SAMD15: variants seen among roughly 807,000 people sequenced by gnomAD.
SAMD15 encodes the protein sterile alpha motif domain-containing protein 15.
SAMD15 carries 37 observed loss-of-function variants against 50.5 expected under a neutral mutation model. That is an observed-to-expected ratio of 0.73 (90% confidence interval 0.56 to 0.96). SAMD15 has a LOEUF of 0.96. Among genes scored for constraint, SAMD15 ranks in the 40% least tolerant of loss-of-function variants. The pLI, the probability that SAMD15 is intolerant of heterozygous loss-of-function variation, is 0.00. For missense variants in SAMD15, 789 were observed against 783.8 expected, an observed-to-expected ratio of 1.01 and a Z score of -0.08; for synonymous variants, 255 against 282.8, an observed-to-expected ratio of 0.90 and a Z score of 0.99.
chr14:77,382,726 A>AT (rs148651386), intron 2 of SAMD15, among the ~76,000 whole-genome samples: 7,790 of 151,540 alleles, frequency 0.051, 659 homozygotes, highest in African/African-American at 0.18. Flanking sequence ...TATTTTATTT[A>AT]TTTTTTTGAG....
At chr14:77,390,967 T>A (rs1389957469) in intron 2 of SAMD15, 41 bp from the exon 3 acceptor site, 1 of 1,201,682 alleles carries the variant, frequency 8.3e-7, no homozygotes. Flanking sequence ...TTGGTTGTGT[T>A]TTCAGGTTAG....
intron 1 of SAMD15, among the ~76,000 whole-genome samples, chr14:77,380,126 A>C (rs1487690952): frequency 3.3e-5 from 5 of 152,198 alleles, no homozygotes; most frequent in African/African-American, 1.2e-4. Context: ...ATAGAAAGTA[A>C]ATTTAAGCTA....
At chr14:77,388,382 CGTGT>C (rs376913427) in intron 2 of SAMD15, among the ~76,000 whole-genome samples, 6,891 of 133,038 alleles carry the variant, frequency 0.052, 177 homozygotes, top group Admixed American at 0.086. Flanking sequence ...GCCACCTGTT[CGTGT>C]GTGTGTGTGT....
intron 2 of SAMD15, among the ~76,000 whole-genome samples, chr14:77,386,004 C>CGTGG (rs1894001664): frequency 6.6e-6 from 1 of 151,890 alleles, no homozygotes; most frequent in African/African-American, 2.4e-5. Context: ...CATGCCACCA[C>CGTGG]ACCCGTCTAA....
chr14:77,380,239 CCT>C, intron 1 of SAMD15, 142 bp from the exon 2 acceptor site: 1 of 596,606 alleles, frequency 1.7e-6, no homozygotes, highest in South Asian at 1.8e-5. Context: ...AGAGTGAGAC[CCT>C]GTCTCTAAAA....
At position 77,377,471 on chromosome 14, in the gene SAMD15, T is replaced by C. The variant is rs11844594; in HGVS notation, c.53T>C (p.Leu18Pro). 767,759 of 1,613,566 alleles carry C rather than the reference T, an allele frequency of 0.48. 192,159 individuals carry two copies. Among genetic ancestry groups the C allele is most frequent in the African/African-American group, 0.84 (62,678 of 74,968 alleles). ...YDSGPDEDGE[L>P]EPERPELPGL... ...TCCGGCCCAGATGAAGATGGAGAGC[T>C]GGAGCCTGAGAGGCCTGAACTGCCT... Residue 18 changes from leucine to proline, a missense_variant, in exon 1 of 3, where the codon CTG becomes CCG. By Grantham distance (98) the Leu-to-Pro change is moderately conservative. Coordinates refer to ENST00000216471, the MANE Select transcript of SAMD15 (RefSeq NM_001010860.4).
rs759975188 is a variant in SAMD15 at position 77,378,813 on chromosome 14, C to G, written c.1395C>G (p.Leu465=). ...FRKEYYALGS[L]RESEESIGTH... is the part of the protein sequence containing the mutation. ...AAGAATATTACGCATTAGGATCTCT[C>G]AGAGAAAGTGAAGAATCAATTGGTA... Residue 465 remains leucine, a synonymous_variant, in exon 1 of 3, where the codon CTC becomes CTG. Coordinates refer to ENST00000216471, the MANE Select transcript of SAMD15 (RefSeq NM_001010860.4). 2 of 1,613,210 alleles carry G rather than the reference C, an allele frequency of 1.2e-6. No homozygotes were observed. The highest frequency in any genetic ancestry group is 1.7e-6 in the Non-Finnish European group (2 of 1,179,792).
intron 2 of SAMD15, among the ~76,000 whole-genome samples, chr14:77,385,197 C>T (rs1055805229): frequency 6.6e-6 from 1 of 151,992 alleles, no homozygotes; most frequent in Admixed American, 6.6e-5. Flanking sequence ...AAAGATTGAT[C>T]TCTCTGATAT....
At position 77,378,805 on chromosome 14, in the gene SAMD15, G is replaced by A; in HGVS notation, c.1387G>A (p.Gly463Arg). ...ATTTAGAAAAGAATATTACGCATTA[G>A]GATCTCTCAGAGAAAGTGAAGAATC... ...DKFRKEYYAL[G>R]SLRESEESIG... The change falls in exon 1 of 3, where the codon GGA becomes AGA. Residue 463 changes from glycine (G) to arginine (R), a missense_variant. Physicochemically the swap from Gly to Arg is moderately radical, Grantham distance 125 (BLOSUM62 -2). Transcript: ENST00000216471. The A allele has an allele frequency of 6.2e-7, 1 of 1,613,168 alleles. No homozygotes were observed. The highest frequency in any genetic ancestry group is 8.5e-7 in the Non-Finnish European group (1 of 1,179,756).
rs758847198 is a variant in SAMD15 at position 77,380,476 on chromosome 14, A to T, written c.1783A>T (p.Met595Leu). ...PQMGITNFEDMKAISRHTQEL... is the reference protein window; with the variant it reads ...PQMGITNFEDLKAISRHTQEL... ...GATGGGGATAACAAACTTTGAGGAC[A>T]TGAAGGTGAGTTGTGTCCAAAGTTT... is the stretch of plus-strand genomic sequence containing the variant. The change falls in exon 2 of 3, where the codon ATG (methionine) becomes TTG (leucine). Residue 595 changes from methionine (M) to leucine (L), a missense_variant. This residue lies in a region of SAMD15 where 770 missense variants were observed against 745.4 expected (regional missense o/e 1.03). Transcript: ENST00000216471. 6.2e-7 allele frequency: 1 copy of T among 1,609,706 alleles called. No homozygotes were observed. Among genetic ancestry groups the T allele is most frequent in the Non-Finnish European group, 8.5e-7 (1 of 1,176,002 alleles).
rs1186120572 is a variant in SAMD15, at chr14:77,391,506, T to C, written c.*262T>C. The C allele has an allele frequency of 2.3e-5, 7 of 310,778 alleles. No homozygotes were observed. The highest frequency in any genetic ancestry group is 6.7e-5 in the South Asian group (1 of 14,926). 19.3% of individuals were successfully genotyped at this position (310,778 alleles called of 1,614,324 possible). A position where few individuals can be genotyped will look rare whatever the true frequency, so the allele number is the denominator to read the frequency against. ...CTAATTTTTGTATTTTTAGTAGATA[T>C]GATGTTTCACCATGTTGGCCAGGCT... On this transcript the variant is annotated 3_prime_UTR_variant, in exon 3 of 3. Coordinates refer to ENST00000216471, the MANE Select transcript of SAMD15 (RefSeq NM_001010860.4).
In SAMD15 at chr14:77,380,673, A is replaced by G. The variant is rs143759188; in HGVS notation, c.1788+192A>G. On this transcript the variant is annotated intron_variant, in intron 2 of 2. Transcript: ENST00000216471. ...CCCATAAATATTCCAAGAACTGTCC[A>G]TTGCTCCTGTGGCACTTACACCGTC... is the stretch of plus-strand genomic sequence containing the variant. Among the ~76,000 whole-genome samples the G allele has an allele frequency of 1.4e-3, 216 of 151,270 alleles. 1 individual carries two copies. The highest frequency in any genetic ancestry group is 5.0e-3 in the African/African-American group (205 of 41,182).
Position 77,380,369 on chromosome 14 carries a change from T to C in SAMD15, c.1690-14T>C. 2 of 1,559,598 alleles carry C rather than the reference T, an allele frequency of 1.3e-6. No homozygotes were observed. The highest frequency in any genetic ancestry group is 1.8e-6 in the Non-Finnish European group (2 of 1,130,264). On this transcript the variant is annotated splice_polypyrimidine_tract_variant and intron_variant, in intron 1 of 2. Transcript: ENST00000216471. The stretch of plus-strand genomic sequence containing the variant: ...CAGTACATTTTTTAAGTGATGTCCT[T>C]GTTGTATTGACAGGAGTGTTTTATC...
Position 77,378,973 on chromosome 14 carries a change from G to T in SAMD15, c.1555G>T (p.Glu519Ter). Residue 519 changes from glutamate (E) to a stop codon, truncating the protein, a stop_gained, in exon 1 of 3, where the codon GAG becomes TAG. Transcript: ENST00000216471. LOFTEE classifies it high-confidence loss of function. ...AAAGGAAGTTGTAGATTTGTCCCAA[G>T]AGTTGAAGGAACGGGTCTCTGAAGA... ...HEKEVVDLSQ[E>*]LKERVSEDDE... The T allele has an allele frequency of 6.2e-7, 1 of 1,614,190 alleles. No homozygotes were observed. Among genetic ancestry groups the T allele is most frequent in the East Asian group, 2.2e-5 (1 of 44,878 alleles).
rs999006509 is a variant in SAMD15, at chr14:77,379,089, A to G, written c.1671A>G (p.Leu557=). The G allele has an allele frequency of 7.4e-6, 12 of 1,613,328 alleles. No individual in the cohort carries two copies. In the Admixed American group the frequency reaches 1.3e-4, roughly 18 times the overall value. The change falls in exon 1 of 3, where the codon CTA becomes CTG. Residue 557 remains leucine (L), a synonymous_variant. Transcript: ENST00000216471. The stretch of plus-strand genomic sequence containing the variant: ...AAGTTGCAGAGTGGATTAGCCAGCT[A>G]GGCTTCCCTCAATACAAGGTATACA... ...PEEVAEWISQ[L]GFPQYKECFI... is the part of the protein sequence containing the mutation.
rs146307728 is a variant in SAMD15, at chr14:77,377,992, G to T, written c.574G>T (p.Val192Phe). Reference protein sequence around the residue: ...ELLEEETEPGVPEESLRVQHE... With the variant: ...ELLEEETEPGFPEESLRVQHE... Reference sequence around the variant, plus strand: ...ACTAGAGGAGGAGACTGAACCGGGGGTTCCAGAGGAATCACTTAGAGTGCA... The same window carrying T: ...ACTAGAGGAGGAGACTGAACCGGGGTTTCCAGAGGAATCACTTAGAGTGCA... The change falls in exon 1 of 3, where the codon GTT (valine) becomes TTT (phenylalanine). Residue 192 changes from valine to phenylalanine, a missense_variant. This residue lies in a region of SAMD15 where 770 missense variants were observed against 745.4 expected (regional missense o/e 1.03). Transcript: ENST00000216471. The T allele has an allele frequency of 5.6e-6, 9 of 1,613,946 alleles. No individual in the cohort carries two copies. In the South Asian group the frequency reaches 8.8e-5, roughly 16 times the overall value.
rs765926367 is a variant in SAMD15, at chr14:77,377,759, A to C, written c.341A>C (p.Glu114Ala). 1 of 1,614,134 alleles carries C rather than the reference A, an allele frequency of 6.2e-7. No homozygotes were observed. The highest frequency in any genetic ancestry group is 8.5e-7 in the Non-Finnish European group (1 of 1,180,022). The part of the protein sequence containing the change: ...HQEVKSETSR[E>A]MGEFFKDLEA... Reference sequence around the variant, plus strand: ...GAGGTAAAGTCGGAAACATCCAGAGAGATGGGAGAGTTTTTCAAAGATTTG... The same window carrying C: ...GAGGTAAAGTCGGAAACATCCAGAGCGATGGGAGAGTTTTTCAAAGATTTG... Residue 114 changes from glutamate (E) to alanine (A), a missense_variant, in exon 1 of 3, where the codon GAG becomes GCG. Physicochemically the swap from Glu to Ala is moderately radical, Grantham distance 107 (BLOSUM62 -1). This residue lies in a region of SAMD15 where 770 missense variants were observed against 745.4 expected (regional missense o/e 1.03). Coordinates refer to ENST00000216471, the MANE Select transcript of SAMD15 (RefSeq NM_001010860.4).
In SAMD15 at chr14:77,378,151, C is replaced by G; in HGVS notation, c.733C>G (p.Gln245Glu). ...MTKPETPEET[Q>E]RESTEKKRTE... ...CAAACCAGAGACTCCAGAGGAGACA[C>G]AAAGAGAGTCAACTGAGAAGAAAAG... The change falls in exon 1 of 3, where the codon CAA becomes GAA. Residue 245 changes from glutamine to glutamate, a missense_variant. Physicochemically the swap from Gln to Glu is conservative, Grantham distance 29 (BLOSUM62 2). Coordinates refer to ENST00000216471, the MANE Select transcript of SAMD15 (RefSeq NM_001010860.4). 5.6e-6 allele frequency: 9 copies of G among 1,613,288 alleles called. No homozygotes were observed. Among genetic ancestry groups the G allele is most frequent in the Non-Finnish European group, 6.8e-6 (8 of 1,179,836 alleles).
At chr14:77,389,029 T>G (rs1894040149) in intron 2 of SAMD15, among the ~76,000 whole-genome samples, 1 of 151,982 alleles carries the variant, frequency 6.6e-6, no homozygotes, top group Non-Finnish European at 1.5e-5. Context: ...TAGTACACTA[T>G]AATTGTGCTT....
Sources: gnomAD v4.1 joint callset for allele counts (sites outside exome capture counted in the v4.1 genomes callset) on GRCh38, gnomAD v4.1.1 for gene constraint, gnomAD v4.1.1 regional missense constraint, MANE v1.5 for transcripts, NCBI Gene and HGNC (gene_info 2026-07-23, HGNC 2026-07-21) for gene names.